KIF14: variants seen among roughly 807,000 people sequenced by gnomAD.
The protein encoded by KIF14 is kinesin-like protein KIF14.
A neutral mutation model predicts 176.2 loss-of-function variants in KIF14; 98 were observed. The observed-to-expected ratio is 0.56, with a 90% confidence interval of 0.47 to 0.66. KIF14 has a LOEUF of 0.66. Among genes scored for constraint, KIF14 ranks in the 30% least tolerant of loss-of-function variants. The pLI, the probability that KIF14 is intolerant of heterozygous loss-of-function variation, is 0.00. For synonymous variants in KIF14, 566 were observed against 632.2 expected, an observed-to-expected ratio of 0.90 and a Z score of 1.57; for missense variants, 1,751 against 1,920.4, an observed-to-expected ratio of 0.91 and a Z score of 1.65.
chr1:200,591,993 T>G (rs967805117), intron 16 of KIF14, 87 bp downstream of exon 16: 6 of 1,129,040 alleles, frequency 5.3e-6, no homozygotes, highest in Admixed American at 2.4e-5. Flanking sequence ...ACCCAAAGAG[T>G]TAATTACTAG....
At chr1:200,589,433 C>G (rs1297211852) in intron 17 of KIF14, 64 bp from the exon 18 acceptor site, 1 of 1,349,630 alleles carries the variant, frequency 7.4e-7, no homozygotes, top group African/African-American at 1.5e-5. Flanking sequence ...ACAAAAGTCC[C>G]TTTCTTTAAC....
At chr1:200,602,388 C>T (rs1008632108) in intron 10 of KIF14, among the ~76,000 whole-genome samples, 1 of 152,066 alleles carries the variant, frequency 6.6e-6, no homozygotes, top group Non-Finnish European at 1.5e-5. Context: ...ATTTCCAGTG[C>T]TACCACAACC....
At chr1:200,619,010 T>TA (rs982223159) in intron 1 of KIF14, among the ~76,000 whole-genome samples, 172 bp from the exon 2 acceptor site, 3 of 152,208 alleles carry the variant, frequency 2.0e-5, no homozygotes, top group African/African-American at 7.2e-5. Context: ...TCAGAGAACT[T>TA]ACCATCATTA....
chr1:200,572,803 CT>C (rs1177195935), intron 22 of KIF14, among the ~76,000 whole-genome samples: 1 of 152,136 alleles, frequency 6.6e-6, no homozygotes, highest in East Asian at 1.9e-4. Flanking sequence ...ATTTATTGGT[CT>C]GGTTTAAATT....
chr1:200,554,208 T>C (rs921847600), intron 29 of KIF14, among the ~76,000 whole-genome samples: 1 of 152,128 alleles, frequency 6.6e-6, no homozygotes, highest in Non-Finnish European at 1.5e-5. Flanking sequence ...CTGGCCAACA[T>C]GGTGAAACCC....
chr1:200,582,176 G>C (rs905355889), intron 19 of KIF14, among the ~76,000 whole-genome samples: 2 of 151,908 alleles, frequency 1.3e-5, no homozygotes, highest in Non-Finnish European at 2.9e-5. Flanking sequence ...GAATTTCAAG[G>C]CTTGCCTGGG....
chr1:200,614,191 A>G, intron 4 of KIF14, 127 bp downstream of exon 4: 1 of 556,926 alleles, frequency 1.8e-6, no homozygotes, highest in Non-Finnish European at 3.2e-6. Context: ...ACTGTTCCAA[A>G]GAAGAGTGAT....
intron 19 of KIF14, among the ~76,000 whole-genome samples, chr1:200,582,041 A>T (rs1571505477): frequency 6.6e-6 from 1 of 152,166 alleles, no homozygotes; most frequent in Non-Finnish European, 1.5e-5. Flanking sequence ...AAATGCTGGG[A>T]TTACAGACAT....
In KIF14 at chr1:200,602,082, A is replaced by C. The variant is rs535960729; in HGVS notation, c.1980-14T>G. ...TCTTTTAACAGCCTACAAGAAAAAA[A>C]GTCATAAGACTTTGCTTCTACAACA... is the stretch of plus-strand genomic sequence containing the variant. On this transcript the variant is annotated splice_polypyrimidine_tract_variant and intron_variant, in intron 10 of 29. Coordinates refer to ENST00000367350, the MANE Select transcript of KIF14 (RefSeq NM_014875.3). 30 of 1,607,042 alleles carry C rather than the reference A, an allele frequency of 1.9e-5. 1 individual carries two copies. Among genetic ancestry groups the C allele is most frequent in the Middle Eastern group, 3.3e-4 (2 of 6,038 alleles).
intron 27 of KIF14, among the ~76,000 whole-genome samples, chr1:200,556,078 T>G (rs1283055647): frequency 3.9e-5 from 6 of 152,216 alleles, no homozygotes; most frequent in Non-Finnish European, 8.8e-5. Flanking sequence ...GCCCATTGTA[T>G]ACCTCATTTT....
chr1:200,581,443 A>G (rs576632266), intron 19 of KIF14, 149 bp from the exon 20 acceptor site: 7 of 413,930 alleles, frequency 1.7e-5, no homozygotes, highest in African/African-American at 1.4e-4. Flanking sequence ...TATTTGAGTA[A>G]TTTGGTGAAA....
At chr1:200,578,670 G>T (rs1207568953) in intron 21 of KIF14, among the ~76,000 whole-genome samples, 6 of 151,700 alleles carry the variant, frequency 4.0e-5, no homozygotes, top group Non-Finnish European at 7.4e-5. Context: ...AATTAAAAAT[G>T]CCTGTATAAC....
At chr1:200,597,540 A>G (rs1456111739) in intron 14 of KIF14, among the ~76,000 whole-genome samples, 3 of 152,236 alleles carry the variant, frequency 2.0e-5, no homozygotes, top group African/African-American at 7.2e-5. Context: ...AGATTGGCAT[A>G]AAGTCTGACA....
intron 21 of KIF14, among the ~76,000 whole-genome samples, chr1:200,578,779 A>C (rs531351367): frequency 6.6e-6 from 1 of 152,378 alleles, no homozygotes; most frequent in South Asian, 2.1e-4. Flanking sequence ...TAGCTATATT[A>C]ATTTCCTACA....
chr1:200,574,847 T>G (rs1658004059), intron 22 of KIF14, among the ~76,000 whole-genome samples: 1 of 152,144 alleles, frequency 6.6e-6, no homozygotes, highest in Non-Finnish European at 1.5e-5. Context: ...ATTTATTATT[T>G]TGTGGAGTTC....
Position 200,555,437 on chromosome 1 carries a change from T to G in KIF14, c.4371A>C (p.Lys1457Asn). ...CTKNEVTKEM[K>N]TNAMGLIRSL... ...ATCTAATCAATCCCATGGCATTAGT[T>G]TTCATTTCTTTGGTAACCTATAGAG... The change falls in exon 28 of 30, where the codon AAA becomes AAC. Residue 1457 changes from lysine to asparagine, a missense_variant. Coordinates refer to ENST00000367350, the MANE Select transcript of KIF14 (RefSeq NM_014875.3). The G allele has an allele frequency of 1.9e-6, 3 of 1,566,286 alleles. No homozygotes were observed. The highest frequency in any genetic ancestry group is 2.6e-6 in the Non-Finnish European group (3 of 1,151,214).
rs1346932695 is a variant in KIF14 at position 200,554,560 on chromosome 1, T to C, written c.4475A>G (p.Asp1492Gly). ...QVQEENFEYQ[D>G]FKRMVNRAPE... ...AGCACGATTAACCATCCTCTTGAAATCTTGGTATTCAAAGTTTTCTTCTTG... is the reference window on the plus strand; with the variant it reads ...AGCACGATTAACCATCCTCTTGAAACCTTGGTATTCAAAGTTTTCTTCTTG... The change falls in exon 29 of 30, where the codon GAT (aspartate) becomes GGT (glycine). Residue 1492 changes from aspartate to glycine, a missense_variant. By Grantham distance (94) the Asp-to-Gly change is moderately conservative. Coordinates refer to ENST00000367350, the MANE Select transcript of KIF14 (RefSeq NM_014875.3). 6.4e-7 allele frequency: 1 copy of C among 1,554,136 alleles called. No individual in the cohort carries two copies. The highest frequency in any genetic ancestry group is 8.9e-7 in the Non-Finnish European group (1 of 1,129,542).
At chr1:200,565,314 T>C (rs747642890) in intron 24 of KIF14, 61 bp from the exon 25 acceptor site, 2 of 1,487,024 alleles carry the variant, frequency 1.3e-6, no homozygotes, top group Non-Finnish European at 9.1e-7. Flanking sequence ...AACTCATATA[T>C]GATCATCATT....
Position 200,580,188 on chromosome 1 carries a change from A to G in KIF14, c.3465+66T>C, listed in dbSNP as rs147685873. On this transcript the variant is annotated intron_variant, in intron 21 of 29. Transcript: ENST00000367350. Reference sequence around the variant, plus strand: ...TATATATACTTTTTTCACCAAAAGCAGGTACTTGAACTTTTATACTTTTTT... The same window carrying G: ...TATATATACTTTTTTCACCAAAAGCGGGTACTTGAACTTTTATACTTTTTT... 1.3e-3 allele frequency: 1,074 copies of G among 800,730 alleles called. 17 individuals are homozygous for G. The African/African-American group carries it at 0.018, about 14-fold the overall frequency. The allele number at this position is 800,730 out of a possible 1,614,324, so 49.6% of individuals were successfully genotyped here. A position where few individuals can be genotyped will look rare whatever the true frequency, so the allele number is the denominator to read the frequency against.
Sources: allele counts gnomAD v4.1 joint callset (sites outside exome capture counted in the v4.1 genomes callset), GRCh38; gene constraint gnomAD v4.1.1; transcripts MANE v1.5; gene names NCBI Gene and HGNC (gene_info 2026-07-23, HGNC 2026-07-21).